PDZRN4: variants seen among roughly 807,000 people sequenced by gnomAD.
PDZRN4 encodes PDZ domain-containing RING finger protein 4.
PDZRN4 carries 70 observed loss-of-function variants against 99.0 expected under a neutral mutation model. The ratio of observed to expected loss-of-function variants is 0.71; its 90% CI spans 0.58 to 0.86. PDZRN4 has a LOEUF of 0.86. PDZRN4 is among the 40% of genes least tolerant of loss of function. The pLI is 0.00. For missense variants in PDZRN4, 1,474 were observed against 1,331.2 expected (o/e 1.11, Z -1.67); for synonymous variants, 551 against 501.6 (o/e 1.10, Z -1.32).
At chr12:41,326,864 T>C (rs1156940187) in intron 3 of PDZRN4, among the ~76,000 whole-genome samples, 2 of 152,224 alleles carry the variant, frequency 1.3e-5, no homozygotes, top group African/African-American at 4.8e-5. Context: ...GAATATCATA[T>C]ATAACAGGTT....
intron 3 of PDZRN4, among the ~76,000 whole-genome samples, chr12:41,214,627 T>C (rs148575517): frequency 8.8e-4 from 133 of 151,998 alleles, no homozygotes; most frequent in African/African-American, 3.0e-3. Flanking sequence ...TAGCATATGA[T>C]TTTCTGCCTA....
intron 3 of PDZRN4, among the ~76,000 whole-genome samples, chr12:41,410,190 C>T (rs1363236125): frequency 6.6e-6 from 1 of 152,066 alleles, no homozygotes; most frequent in Non-Finnish European, 1.5e-5. Flanking sequence ...ATGATTTCTC[C>T]CAGAATAATT....
chr12:41,515,246 A>G (rs1232263882), intron 5 of PDZRN4, among the ~76,000 whole-genome samples: 1 of 152,106 alleles, frequency 6.6e-6, no homozygotes, highest in Non-Finnish European at 1.5e-5. Flanking sequence ...TGTTATCTGT[A>G]TGTTGAAGTA....
chr12:41,200,823 T>A (rs2120663757), intron 3 of PDZRN4, among the ~76,000 whole-genome samples: 1 of 152,114 alleles, frequency 6.6e-6, no homozygotes, highest in East Asian at 1.9e-4. Flanking sequence ...CCTGCAACAT[T>A]TATTTCCAGG....
chr12:41,405,733 G>A (rs566871803), intron 3 of PDZRN4, among the ~76,000 whole-genome samples: 4 of 152,254 alleles, frequency 2.6e-5, no homozygotes, highest in African/African-American at 9.6e-5. Flanking sequence ...TAAAGAAAAT[G>A]TGGTACCTAT....
chr12:41,190,241 G>A (rs1053678827), intron 1 of PDZRN4, among the ~76,000 whole-genome samples: 5 of 152,208 alleles, frequency 3.3e-5, no homozygotes, highest in African/African-American at 4.8e-5. Flanking sequence ...AAATTGAAGT[G>A]AGAGGGACTA....
At chr12:41,222,875 T>C (rs997324996) in intron 3 of PDZRN4, among the ~76,000 whole-genome samples, 4 of 152,166 alleles carry the variant, frequency 2.6e-5, no homozygotes, top group Admixed American at 1.3e-4. Flanking sequence ...TGTGTTTCTA[T>C]AGTAAGAAAC....
chr12:41,390,998 A>G (rs2121119782), intron 3 of PDZRN4, among the ~76,000 whole-genome samples: 1 of 152,316 alleles, frequency 6.6e-6, no homozygotes, highest in South Asian at 2.1e-4. Flanking sequence ...CCCCACTATC[A>G]GCCTATGGCT....
chr12:41,462,494 C>G (rs1015906236), intron 3 of PDZRN4, among the ~76,000 whole-genome samples: 1 of 152,128 alleles, frequency 6.6e-6, no homozygotes, highest in Admixed American at 6.6e-5. Context: ...TGAAGCTATC[C>G]AGGTAAAAAA....
intron 3 of PDZRN4, among the ~76,000 whole-genome samples, chr12:41,270,285 TG>T (rs1951305715): frequency 1.0e-5 from 1 of 96,130 alleles, no homozygotes; most frequent in Non-Finnish European, 2.4e-5. Context: ...TCTGTGTGTG[TG>T]GTGTGTGTGT....
chr12:41,549,914 T>C (rs1331495529), intron 5 of PDZRN4, among the ~76,000 whole-genome samples: 3 of 152,070 alleles, frequency 2.0e-5, no homozygotes, highest in Non-Finnish European at 1.5e-5. Context: ...AAGGGGAATA[T>C]TGGAAACAAA....
At position 41,264,829 on chromosome 12, in the gene PDZRN4, A is replaced by G. The variant is rs181651790; in HGVS notation, c.843+70641A>G. Among the ~76,000 whole-genome samples the G allele has an allele frequency of 3.7e-3, 558 of 152,332 alleles. 3 individuals carry two copies. The highest frequency in any genetic ancestry group is 6.1e-3 in the Non-Finnish European group (412 of 68,022). ...CAACCTGGATGCAGCTGGAGCCATT[A>G]TCTTAAGTGAATTAACGCTGAAACA... On this transcript the variant is annotated intron_variant, in intron 3 of 9. Coordinates refer to ENST00000402685, the MANE Select transcript of PDZRN4 (RefSeq NM_001164595.2).
At chr12:41,278,617 A>G (rs940088255) in intron 3 of PDZRN4, among the ~76,000 whole-genome samples, 2 of 151,676 alleles carry the variant, frequency 1.3e-5, no homozygotes, top group Non-Finnish European at 2.9e-5. Flanking sequence ...GTAACTTTTA[A>G]TTATAAAAAC....
chr12:41,311,183 A>G (rs1275493307), intron 3 of PDZRN4, among the ~76,000 whole-genome samples: 1 of 152,170 alleles, frequency 6.6e-6, no homozygotes, highest in African/African-American at 2.4e-5. Context: ...CATTATATAG[A>G]TTCATTTGGT....
chr12:41,459,963 G>T, intron 3 of PDZRN4: 1 of 1,283,256 alleles, frequency 7.8e-7, no homozygotes, highest in Admixed American at 2.4e-5. Flanking sequence ...GCTGTGACTT[G>T]AACAATGCTA....
chr12:41,248,361 C>T (rs867095025), intron 3 of PDZRN4, among the ~76,000 whole-genome samples: 1 of 152,138 alleles, frequency 6.6e-6, no homozygotes, highest in African/African-American at 2.4e-5. Context: ...TGCACACATG[C>T]ACCATAGGTT....
chr12:41,477,624 C>T lies in PDZRN4; in HGVS notation c.844-28832C>T, dbSNP rs143801406. Among the ~76,000 whole-genome samples, 582 of 152,224 alleles carry T rather than the reference C, an allele frequency of 3.8e-3. 5 individuals are homozygous for T. Among genetic ancestry groups the T allele is most frequent in the Non-Finnish European group, 4.2e-3 (285 of 68,004 alleles). ...CATCAGCAAAAGGTTCTTTTTACTA[C>T]AGAACCACAAAAACATAAGCCTTTT... On this transcript the variant is annotated intron_variant, in intron 3 of 9. Coordinates refer to ENST00000402685, the MANE Select transcript of PDZRN4 (RefSeq NM_001164595.2).
chr12:41,253,584 T>C (rs1179883336), intron 3 of PDZRN4, among the ~76,000 whole-genome samples: 1 of 151,822 alleles, frequency 6.6e-6, no homozygotes, highest in Non-Finnish European at 1.5e-5. Context: ...AGGATGGAGG[T>C]TCCTCAAAAA....
chr12:41,340,925 A>G (rs763240645), intron 3 of PDZRN4, among the ~76,000 whole-genome samples: 20 of 151,954 alleles, frequency 1.3e-4, no homozygotes, highest in Non-Finnish European at 2.8e-4. Context: ...AATAAACTAC[A>G]GGCCAATATT....
Sources: allele counts gnomAD v4.1 joint callset (sites outside exome capture counted in the v4.1 genomes callset), GRCh38; gene constraint gnomAD v4.1.1; transcripts MANE v1.5; gene names NCBI Gene and HGNC (gene_info 2026-07-23, HGNC 2026-07-21).